The following HPSE2 variants were observed in gnomAD, a reference collection of about 807,000 sequenced individuals.
HPSE2 encodes inactive heparanase-2.
HPSE2 carries 38 observed loss-of-function variants against 60.5 expected under a neutral mutation model. The ratio of observed to expected loss-of-function variants is 0.63; its 90% CI spans 0.48 to 0.82. The LOEUF (loss-of-function observed/expected upper bound fraction) is 0.82, where lower values mean the gene tolerates loss of function less well. Among genes scored for constraint, HPSE2 ranks in the 40% least tolerant of loss-of-function variants. The probability of loss-of-function intolerance (pLI) is 0.00; values close to 1 mark genes in which losing one functional copy is unlikely to be tolerated. For synonymous variants in HPSE2, 295 were observed against 293.2 expected (o/e 1.01, Z -0.06); for missense variants, 713 against 740.4 (o/e 0.96, Z 0.43).
At chr10:98,509,056 C>T (rs1942297269) in intron 9 of HPSE2, among the ~76,000 whole-genome samples, 1 of 152,138 alleles carries the variant, frequency 6.6e-6, no homozygotes, top group Admixed American at 6.5e-5. Flanking sequence ...TGGCTCATGC[C>T]TGTAATCCCA....
intron 9 of HPSE2, among the ~76,000 whole-genome samples, chr10:98,540,340 T>TTGAGCAAGGTCA (rs1943420101): frequency 6.6e-6 from 1 of 152,228 alleles, no homozygotes; most frequent in South Asian, 2.1e-4. Context: ...TGTGTGAATT[T>TTGAGCAAGGTCA]TGAGCAAGGT....
chr10:98,846,625 A>C (rs561518899), intron 3 of HPSE2, among the ~76,000 whole-genome samples: 47 of 152,356 alleles, frequency 3.1e-4, no homozygotes, highest in South Asian at 1.7e-3. Context: ...AAATTCAAAA[A>C]GTTACTGAGA....
At chr10:98,656,102 A>ATTTTTTT (rs1947055554) in intron 6 of HPSE2, among the ~76,000 whole-genome samples, 1 of 146,252 alleles carries the variant, frequency 6.8e-6, no homozygotes, top group Non-Finnish European at 1.5e-5. Flanking sequence ...TTTTTTTTTA[A>ATTTTTTT]TTGAGACAGA....
intron 3 of HPSE2, among the ~76,000 whole-genome samples, chr10:99,132,254 A>G: frequency 6.8e-6 from 1 of 147,196 alleles, no homozygotes; most frequent in Non-Finnish European, 1.5e-5. Flanking sequence ...AAAGAAAGAA[A>G]GAAAGAAAGA....
intron 3 of HPSE2, among the ~76,000 whole-genome samples, chr10:99,015,864 C>T (rs1431064965): frequency 2.6e-5 from 4 of 151,992 alleles, no homozygotes; most frequent in Admixed American, 6.6e-5. Flanking sequence ...TTTCTGTTCA[C>T]TTCCTTTGCC....
chr10:98,726,865 T>G (rs1024537172), intron 4 of HPSE2, among the ~76,000 whole-genome samples: 42 of 152,068 alleles, frequency 2.8e-4, no homozygotes, highest in African/African-American at 9.2e-4. Context: ...AAAGGAAACA[T>G]CAGAAGCCAT....
chr10:98,722,912 A>C (rs1948965764), intron 4 of HPSE2, among the ~76,000 whole-genome samples: 1 of 152,222 alleles, frequency 6.6e-6, no homozygotes, highest in Admixed American at 6.5e-5. Context: ...ATCTGCAAAC[A>C]GGGACAATTT....
At chr10:98,719,689 C>A in intron 5 of HPSE2, among the ~76,000 whole-genome samples, 1 of 129,796 alleles carries the variant, frequency 7.7e-6, no homozygotes. Flanking sequence ...GTGACTTGAC[C>A]AGATGTTGCA....
chr10:99,284,919 GA>G, the HPSE2 span, among the ~76,000 whole-genome samples: 4 of 152,102 alleles, frequency 2.6e-5, no homozygotes, highest in Admixed American at 6.5e-5. Context: ...TCAAGAGTAT[GA>G]AAAAACACCC....
At chr10:98,995,598 C>G (rs1956625312) in intron 3 of HPSE2, among the ~76,000 whole-genome samples, 1 of 152,084 alleles carries the variant, frequency 6.6e-6, no homozygotes, top group African/African-American at 2.4e-5. Flanking sequence ...TATTATACTT[C>G]CCCCTTAAGA....
At chr10:98,722,787 G>T (rs1169246951) in intron 4 of HPSE2, among the ~76,000 whole-genome samples, 1 of 152,132 alleles carries the variant, frequency 6.6e-6, no homozygotes, top group Admixed American at 6.6e-5. Context: ...CAACATCTCA[G>T]CTGGCTTGAG....
chr10:98,886,611 G>A (rs987402073), intron 3 of HPSE2, among the ~76,000 whole-genome samples: 71 of 152,206 alleles, frequency 4.7e-4, no homozygotes, highest in African/African-American at 1.6e-3. Context: ...GAACTCACTA[G>A]GAGGAGCTTT....
At chr10:98,555,798 A>G (rs1349401950) in intron 9 of HPSE2, among the ~76,000 whole-genome samples, 1 of 152,220 alleles carries the variant, frequency 6.6e-6, no homozygotes, top group Non-Finnish European at 1.5e-5. Flanking sequence ...GACAACACGA[A>G]AATAACGTAA....
intron 3 of HPSE2, among the ~76,000 whole-genome samples, chr10:99,097,744 A>C (rs1039598840): frequency 1.3e-5 from 2 of 152,342 alleles, no homozygotes; most frequent in East Asian, 1.9e-4. Flanking sequence ...TATTTCACTT[A>C]ATCTAAACTA....
chr10:98,982,307 C>T (rs547791540), intron 3 of HPSE2, among the ~76,000 whole-genome samples: 23 of 152,054 alleles, frequency 1.5e-4, no homozygotes, highest in Non-Finnish European at 2.5e-4. Flanking sequence ...CTGCCAGGTT[C>T]GAAGATATTT....
intron 3 of HPSE2, among the ~76,000 whole-genome samples, chr10:99,070,882 C>T (rs1180958316): frequency 1.3e-5 from 2 of 152,038 alleles, no homozygotes; most frequent in African/African-American, 4.8e-5. Context: ...TACATGTTTA[C>T]TACATATTCT....
intron 9 of HPSE2, among the ~76,000 whole-genome samples, chr10:98,581,499 T>A (rs1318974464): frequency 6.6e-6 from 1 of 152,116 alleles, no homozygotes; most frequent in Non-Finnish European, 1.5e-5. Flanking sequence ...AAATAATATA[T>A]ATATTTTTAC....
At chr10:98,691,328 CA>C (rs1948072275) in intron 6 of HPSE2, among the ~76,000 whole-genome samples, 2 of 152,046 alleles carry the variant, frequency 1.3e-5, no homozygotes, top group African/African-American at 4.8e-5. Context: ...GGAGTAGTTG[CA>C]AACAGTGATA....
At chr10:98,706,918 T>C (rs940339488) in intron 5 of HPSE2, among the ~76,000 whole-genome samples, 1 of 152,202 alleles carries the variant, frequency 6.6e-6, no homozygotes, top group Admixed American at 6.5e-5. Flanking sequence ...TTGTAAAATA[T>C]AGCCAGCTCG....
Sources: gnomAD v4.1 joint callset for allele counts (sites outside exome capture counted in the v4.1 genomes callset) on GRCh38, gnomAD v4.1.1 for gene constraint, MANE v1.5 for transcripts, NCBI Gene and HGNC (gene_info 2026-07-23, HGNC 2026-07-21) for gene names.